Variants in TASP1 observed in about 807,000 individuals in gnomAD.
TASP1 encodes the protein threonine aspartase 1.
TASP1 carries 16 observed loss-of-function variants against 56.6 expected under a neutral mutation model. That is an observed-to-expected ratio of 0.28 (90% confidence interval 0.19 to 0.43). The LOEUF is 0.43. Among genes scored for constraint, TASP1 ranks in the 20% least tolerant of loss-of-function variants. The pLI, the probability that TASP1 is intolerant of heterozygous loss-of-function variation, is 1.00. For synonymous variants in TASP1, 179 were observed against 184.2 expected (o/e 0.97, Z 0.23); for missense variants, 393 against 511.6 (o/e 0.77, Z 2.24).
chr20:13,293,444 C>G, the TASP1 span, among the ~76,000 whole-genome samples: 199 of 151,854 alleles, frequency 1.3e-3, no homozygotes, highest in African/African-American at 4.6e-3. Context: ...CCCAAAAGTT[C>G]TTACTTAGCC....
intron 7 of TASP1, among the ~76,000 whole-genome samples, chr20:13,560,856 A>G (rs2046322038): frequency 6.6e-6 from 1 of 152,206 alleles, no homozygotes; most frequent in Admixed American, 6.5e-5. Context: ...CCCAAGATAT[A>G]AACACCCAAG....
chr20:13,215,746 GC>G, the TASP1 span, among the ~76,000 whole-genome samples: 2 of 152,186 alleles, frequency 1.3e-5, no homozygotes, highest in East Asian at 1.9e-4. Context: ...ACAGCTAGGG[GC>G]TTTTAGCATG....
the TASP1 span, among the ~76,000 whole-genome samples, chr20:13,362,107 CT>C: frequency 2.5e-3 from 375 of 150,158 alleles, 2 homozygotes; most frequent in Admixed American, 0.023. Flanking sequence ...CACGCCGCCC[CT>C]AATCCCGCTT....
chr20:13,142,028 GA>G, the TASP1 span, among the ~76,000 whole-genome samples: 2 of 152,314 alleles, frequency 1.3e-5, no homozygotes, highest in South Asian at 4.1e-4. Context: ...AGTTAAGAGG[GA>G]AAGTTTGCCT....
At chr20:13,440,937 C>T (rs537733940) in intron 11 of TASP1, among the ~76,000 whole-genome samples, 2 of 152,284 alleles carry the variant, frequency 1.3e-5, no homozygotes, top group East Asian at 1.9e-4. Flanking sequence ...CAAAATGCAA[C>T]TGTGTGCTGG....
At chr20:13,117,716 T>A in the TASP1 span, 2 of 1,610,362 alleles carry the variant, frequency 1.2e-6, no homozygotes, top group Non-Finnish European at 1.7e-6. Flanking sequence ...GTTACATAGC[T>A]GGAAGGAAGG....
At chr20:13,270,368 A>G in the TASP1 span, 1 of 965,864 alleles carries the variant, frequency 1.0e-6, no homozygotes. Flanking sequence ...GGTTTGCAAA[A>G]CAAGTTTGGA....
Position 13,528,444 on chromosome 20 carries a change from A to AG in TASP1, c.862_863insC (p.Val288AlafsTer17), listed in dbSNP as rs1363196086. The AG allele has an allele frequency of 6.2e-7, 1 of 1,609,908 alleles. No homozygotes were observed. Among genetic ancestry groups the AG allele is most frequent in the Non-Finnish European group, 8.5e-7 (1 of 1,177,650 alleles). On this transcript the variant is annotated frameshift_variant, in exon 10 of 14. Transcript: ENST00000337743. LOFTEE classifies it high-confidence loss of function. ...AAAGCAGCAAATACCTGAGGTACTC[A>AG]CAGCTGTGGAGTAGGGGTTATGAGC...
At chr20:13,523,413 AC>A (rs996768776) in intron 10 of TASP1, among the ~76,000 whole-genome samples, 7 of 151,940 alleles carry the variant, frequency 4.6e-5, no homozygotes, top group African/African-American at 1.2e-4. Context: ...CTGTCACATA[AC>A]CCCCCTCTCA....
intron 8 of TASP1, among the ~76,000 whole-genome samples, chr20:13,537,056 A>G (rs2045444988): frequency 6.6e-6 from 1 of 152,096 alleles, no homozygotes; most frequent in East Asian, 1.9e-4. Flanking sequence ...CATTCTGTAA[A>G]ACAGAATTTT....
At chr20:13,269,302 C>T in the TASP1 span, among the ~76,000 whole-genome samples, 1 of 152,174 alleles carries the variant, frequency 6.6e-6, no homozygotes, top group Admixed American at 6.5e-5. Context: ...AAAAGAAAGG[C>T]TGGTTTGGAA....
chr20:13,500,294 C>T (rs942554567), intron 10 of TASP1, among the ~76,000 whole-genome samples: 1 of 141,542 alleles, frequency 7.1e-6, no homozygotes, highest in Admixed American at 7.2e-5. Flanking sequence ...ATTTGTCATA[C>T]TAGATGCATG....
chr20:13,155,555 G>A, the TASP1 span, among the ~76,000 whole-genome samples: 2 of 151,996 alleles, frequency 1.3e-5, no homozygotes, highest in Non-Finnish European at 2.9e-5. Context: ...GGCTGGGCGC[G>A]GTGGCTCATG....
intron 4 of TASP1, among the ~76,000 whole-genome samples, chr20:13,587,601 CAA>C (rs2047355100): frequency 6.6e-6 from 1 of 151,364 alleles, no homozygotes. Context: ...AGCAGCAAAA[CAA>C]ATCCAGCAAA....
At chr20:13,572,284 C>T (rs1284345370) in intron 6 of TASP1, among the ~76,000 whole-genome samples, 1 of 152,160 alleles carries the variant, frequency 6.6e-6, no homozygotes, top group Admixed American at 6.5e-5. Context: ...GATTAAAGGA[C>T]AGCATTTTCC....
At chr20:13,473,934 T>C (rs370304205) in intron 11 of TASP1, among the ~76,000 whole-genome samples, 2 of 151,972 alleles carry the variant, frequency 1.3e-5, no homozygotes, top group African/African-American at 4.8e-5. Flanking sequence ...TTTAGCTGGA[T>C]GTGGTGGTAA....
the TASP1 span, chr20:13,159,873 C>A: frequency 4.8e-6 from 6 of 1,246,618 alleles, no homozygotes; most frequent in African/African-American, 9.1e-5. Context: ...CAATCATCTT[C>A]CACTTATTAT....
At chr20:13,165,818 T>A in the TASP1 span, 1 of 152,218 alleles carries the variant, frequency 6.6e-6, no homozygotes, top group Non-Finnish European at 1.5e-5. Context: ...AAGAAGGACA[T>A]TTAAAAGCAA....
the TASP1 span, among the ~76,000 whole-genome samples, chr20:13,171,836 C>T: frequency 6.6e-6 from 1 of 152,028 alleles, no homozygotes; most frequent in African/African-American, 2.4e-5. Context: ...CAGACAATTC[C>T]TGGAAAAGTT....
Sources: allele counts gnomAD v4.1 joint callset (sites outside exome capture counted in the v4.1 genomes callset), GRCh38; gene constraint gnomAD v4.1.1; transcripts MANE v1.5; gene names NCBI Gene and HGNC (gene_info 2026-07-23, HGNC 2026-07-21).